ATP7B: variants seen among roughly 807,000 people sequenced by gnomAD.
The protein encoded by ATP7B is copper-transporting ATPase 2.
Under a neutral mutation model 118.9 loss-of-function variants are expected in ATP7B, and 113 were observed. The ratio of observed to expected loss-of-function variants is 0.95; its 90% CI spans 0.82 to 1.11. ATP7B has a LOEUF of 1.11. Among genes scored for constraint, ATP7B ranks in the 50% most tolerant of loss-of-function variants. ATP7B has a pLI of 0.00. For missense variants in ATP7B, 1,867 were observed against 1,871.4 expected (o/e 1.00, Z 0.04); for synonymous variants, 777 against 727.4 (o/e 1.07, Z -1.10).
rs1057516227 is a variant in ATP7B, at chr13:51,937,353, TTG to T, written c.3942_3943del (p.Lys1315GlufsTer17). 1 of 1,614,174 alleles carries T rather than the reference TTG, an allele frequency of 6.2e-7. No homozygotes were observed. Among genetic ancestry groups the T allele is most frequent in the Non-Finnish European group, 8.5e-7 (1 of 1,180,026 alleles). The stretch of plus-strand genomic sequence containing the variant: ...GATGCGTATCCTTCGGACAGTCCTC[TTG>T]GAAAGGTGAATGCTAGCCACCACAT... On this transcript the variant is annotated frameshift_variant, in exon 19 of 21. Coordinates refer to ENST00000242839, the MANE Select transcript of ATP7B (RefSeq NM_000053.4). LOFTEE classifies it high-confidence loss of function.
In ATP7B at chr13:51,975,080, C is replaced by T. The variant is rs1349308572; in HGVS notation, c.140G>A (p.Gly47Asp). 2 of 1,614,124 alleles carry T rather than the reference C, an allele frequency of 1.2e-6. No homozygotes were observed. Among genetic ancestry groups the T allele is most frequent in the African/African-American group, 1.3e-5 (1 of 74,942 alleles). Reference protein sequence around the residue: ...FAFDNVGYEGGLDGLGPSSQV... With the variant: ...FAFDNVGYEGDLDGLGPSSQV... ...AGAAGAAGGGCCCAGGCCATCCAGA[C>T]CACCTTCATAGCCAACATTGTCAAA... The change falls in exon 2 of 21, where the codon GGT becomes GAT. Residue 47 changes from glycine (G) to aspartate (D), a missense_variant. By Grantham distance (94) the Gly-to-Asp change is moderately conservative. Coordinates refer to ENST00000242839, the MANE Select transcript of ATP7B (RefSeq NM_000053.4).
At chr13:51,936,414 C>A (rs1247747931) in intron 19 of ATP7B, among the ~76,000 whole-genome samples, 1 of 109,970 alleles carries the variant, frequency 9.1e-6, no homozygotes, top group South Asian at 3.2e-4. Flanking sequence ...CACTCTGGAA[C>A]TTTTCATTGC....
intron 1 of ATP7B, among the ~76,000 whole-genome samples, chr13:51,980,969 G>A (rs112297528): frequency 0.019 from 2,908 of 152,242 alleles, 84 homozygotes; most frequent in Admixed American, 0.083. Context: ...TCATATGCAC[G>A]CAGATCCAAT....
chr13:52,010,779 C>T (rs981134912), intron 1 of ATP7B, among the ~76,000 whole-genome samples: 1 of 152,138 alleles, frequency 6.6e-6, no homozygotes, highest in Non-Finnish European at 1.5e-5. Context: ...GACATATGTA[C>T]GTGAATAGAA....
Position 51,946,439 on chromosome 13 carries a change from G to T in ATP7B, c.2905C>A (p.Arg969=), listed in dbSNP as rs774028495. 6.2e-7 allele frequency: 1 copy of T among 1,614,220 alleles called. No individual in the cohort carries two copies. The highest frequency in any genetic ancestry group is 8.5e-7 in the Non-Finnish European group (1 of 1,180,038). Reference sequence around the variant, plus strand: ...GTGATGGACGTCTGGAAAGCAAACCGGATGATCACCTCTGTCTGGGAGATG... The same window carrying T: ...GTGATGGACGTCTGGAAAGCAAACCTGATGATCACCTCTGTCTGGGAGATG... ...KHISQTEVII[R]FAFQTSITVL... The change falls in exon 13 of 21, where the codon CGG becomes AGG. Residue 969 remains arginine (R), a synonymous_variant. Transcript: ENST00000242839.
chr13:51,949,561 A>G, intron 12 of ATP7B, 101 bp downstream of exon 12: 1 of 1,522,726 alleles, frequency 6.6e-7, no homozygotes, highest in Non-Finnish European at 9.0e-7. Context: ...AAATGTAATG[A>G]ATAATTAAAG....
At chr13:51,973,870 A>G (rs1225812114) in intron 2 of ATP7B, 65 bp downstream of exon 2, 9 of 1,604,420 alleles carry the variant, frequency 5.6e-6, no homozygotes, top group Non-Finnish European at 6.8e-6. Flanking sequence ...ACCACCATCC[A>G]GGAGCTATAA....
intron 9 of ATP7B, among the ~76,000 whole-genome samples, chr13:51,955,229 CAG>C (rs1172957555): frequency 1.3e-5 from 2 of 152,182 alleles, no homozygotes; most frequent in Non-Finnish European, 2.9e-5. Flanking sequence ...CTGTGGGAGG[CAG>C]AGTCACTGGG....
intron 17 of ATP7B, among the ~76,000 whole-genome samples, 199 bp downstream of exon 17, chr13:51,938,852 C>T (rs1957136194): frequency 6.6e-6 from 1 of 152,172 alleles, no homozygotes; most frequent in Non-Finnish European, 1.5e-5. Flanking sequence ...GCCCAAGCTC[C>T]AGGGAAGAGA....
Position 51,973,997 on chromosome 13 carries a change from A to C in ATP7B, c.1223T>G (p.Ile408Ser), listed in dbSNP as rs1208610301. The change falls in exon 2 of 21, where the codon ATT becomes AGT. Residue 408 changes from isoleucine to serine, a missense_variant. Coordinates refer to ENST00000242839, the MANE Select transcript of ATP7B (RefSeq NM_000053.4). ...AGCAGCTCTGAGTTCTTCTGGGCTA[A>C]TTACAGAGGGATTATAAAGAACTGT... ...TATVLYNPSV[I>S]SPEELRAAIE... The C allele has an allele frequency of 1.2e-6, 2 of 1,614,258 alleles. No individual in the cohort carries two copies. Among genetic ancestry groups the C allele is most frequent in the East Asian group, 2.2e-5 (1 of 44,892 alleles).
chr13:51,935,873 A>G (rs955733371), intron 19 of ATP7B, among the ~76,000 whole-genome samples, 178 bp from the exon 20 acceptor site: 2 of 152,188 alleles, frequency 1.3e-5, no homozygotes, highest in African/African-American at 4.8e-5. Context: ...GGCTTCCTAG[A>G]AAGCTGGGTG....
At chr13:51,941,532 CA>C (rs1184928449) in intron 15 of ATP7B, among the ~76,000 whole-genome samples, 3 of 152,160 alleles carry the variant, frequency 2.0e-5, no homozygotes, top group Admixed American at 1.3e-4. Flanking sequence ...TCTTTTTCTG[CA>C]GGGATTAGAA....
At chr13:51,939,612 G>A (rs1046656295) in intron 16 of ATP7B, among the ~76,000 whole-genome samples, 8 of 152,154 alleles carry the variant, frequency 5.3e-5, no homozygotes, top group South Asian at 4.2e-4. Flanking sequence ...TCAATCCTTC[G>A]TCTTTTCCTG....
In ATP7B at chr13:51,937,385, C is replaced by A. The variant is rs748644391; in HGVS notation, c.3912G>T (p.Leu1304Phe). The change falls in exon 19 of 21, where the codon TTG becomes TTT. Residue 1304 changes from leucine to phenylalanine, a missense_variant. Leu to Phe is a conservative substitution (Grantham distance 22, BLOSUM62 0). Coordinates refer to ENST00000242839, the MANE Select transcript of ATP7B (RefSeq NM_000053.4). ...AADVVLIRND[L>F]LDVVASIHLS... ...GGTGAATGCTAGCCACCACATCCAG[C>A]AAATCATTCTGATGGAGAGGAGCAC... The A allele has an allele frequency of 2.5e-6, 4 of 1,614,220 alleles. No homozygotes were observed. The South Asian group carries it at 4.4e-5, about 18-fold the overall frequency.
At chr13:52,008,337 T>A (rs1484833475) in intron 1 of ATP7B, among the ~76,000 whole-genome samples, 1 of 152,092 alleles carries the variant, frequency 6.6e-6, no homozygotes, top group East Asian at 1.9e-4. Context: ...AGACTACCTC[T>A]CAAAAAACTA....
At position 51,969,105 on chromosome 13, in the gene ATP7B, C is replaced by T. The variant is rs143725232; in HGVS notation, c.1544-498G>A. Reference sequence around the variant, plus strand: ...TGAACTCCTGACCTTGTGATCCGCTCGCCTTGGCCTCCCAAGGCATCATTT... The same window carrying T: ...TGAACTCCTGACCTTGTGATCCGCTTGCCTTGGCCTCCCAAGGCATCATTT... On this transcript the variant is annotated intron_variant, in intron 3 of 20. Transcript: ENST00000242839. Among the ~76,000 whole-genome samples, 559 of 151,024 alleles carry T rather than the reference C, an allele frequency of 3.7e-3. 6 individuals carry two copies. Among genetic ancestry groups the T allele is most frequent in the East Asian group, 0.013 (68 of 5,150 alleles).
At chr13:51,995,248 A>G in intron 1 of ATP7B, 1 of 955,030 alleles carries the variant, frequency 1.0e-6, no homozygotes, top group Non-Finnish European at 1.2e-6. Flanking sequence ...CATGGAGAGA[A>G]ACCTCCATCT....
chr13:51,946,760 G>A (rs1482080379), intron 12 of ATP7B, among the ~76,000 whole-genome samples: 1 of 152,126 alleles, frequency 6.6e-6, no homozygotes, highest in African/African-American at 2.4e-5. Context: ...TCTGGAGATG[G>A]ACCACACAGA....
intron 4 of ATP7B, chr13:51,967,179 A>G: frequency 6.6e-7 from 1 of 1,516,706 alleles, no homozygotes; most frequent in Non-Finnish European, 9.0e-7. Context: ...GACAGGAGTT[A>G]ACTAAGAGAA....
Sources: allele counts gnomAD v4.1 joint callset (sites outside exome capture counted in the v4.1 genomes callset), GRCh38; gene constraint gnomAD v4.1.1; transcripts MANE v1.5; gene names NCBI Gene and HGNC (gene_info 2026-07-23, HGNC 2026-07-21).